FBLN2: variants seen among roughly 807,000 people sequenced by gnomAD.
The protein encoded by FBLN2 is fibulin-2.
In FBLN2, 81 loss-of-function variants were observed where a neutral mutation model predicts 123.7. That is an observed-to-expected ratio of 0.65 (90% CI 0.55 to 0.79). FBLN2 has a LOEUF of 0.79. FBLN2 is among the 30% of genes least tolerant of loss of function. The probability of loss-of-function intolerance (pLI) is 0.00; values close to 1 mark genes in which losing one functional copy is unlikely to be tolerated. For synonymous variants in FBLN2, 699 were observed against 701.4 expected, an observed-to-expected ratio of 1.00 and a Z score of 0.05; for missense variants, 1,603 against 1,681.3, an observed-to-expected ratio of 0.95 and a Z score of 0.81.
At chr3:13,628,370 A>C (rs1377578528) in intron 11 of FBLN2, among the ~76,000 whole-genome samples, 1 of 152,118 alleles carries the variant, frequency 6.6e-6, no homozygotes, top group South Asian at 2.1e-4. Context: ...ACAGTACTGC[A>C]TGTGACACCC....
Position 13,571,127 on chromosome 3 carries a change from G to A in FBLN2, c.772G>A (p.Ala258Thr), listed in dbSNP as rs768744889. The A allele has an allele frequency of 6.4e-7, 1 of 1,552,784 alleles. No homozygotes were observed. Among genetic ancestry groups the A allele is most frequent in the South Asian group, 1.2e-5 (1 of 84,220 alleles). ...PAVLPRPTAAAALGPPAPVQA... is the reference protein window; with the variant it reads ...PAVLPRPTAATALGPPAPVQA... Reference sequence around the variant, plus strand: ...TGTCCTCCCCAGGCCCACAGCGGCTGCTGCCCTGGGTCCCCCAGCCCCAGT... The same window carrying A: ...TGTCCTCCCCAGGCCCACAGCGGCTACTGCCCTGGGTCCCCCAGCCCCAGT... Residue 258 changes from alanine to threonine, a missense_variant, in exon 2 of 18, where the codon GCT (alanine) becomes ACT (threonine). Coordinates refer to ENST00000404922, the MANE Select transcript of FBLN2 (RefSeq NM_001004019.2).
Position 13,619,877 on chromosome 3 carries a change from C to T in FBLN2, c.2155+46C>T, listed in dbSNP as rs376907890. On this transcript the variant is annotated intron_variant, in intron 8 of 17. Transcript: ENST00000404922. ...TCCTACCTGTGCAAACCTGAGTTGG[C>T]CTGTGATGGGGGCCTCCAGGTGGGG... is the stretch of plus-strand genomic sequence containing the variant. The T allele has an allele frequency of 7.5e-5, 112 of 1,502,568 alleles. 1 individual carries two copies. Among genetic ancestry groups the T allele is most frequent in the Middle Eastern group, 3.4e-4 (2 of 5,836 alleles). The allele number at this position is 1,502,568 out of a possible 1,614,324, so 93.1% of individuals were successfully genotyped here. A position where few individuals can be genotyped will look rare whatever the true frequency, so the allele number is the denominator to read the frequency against.
rs1361487043 is a variant in FBLN2, at chr3:13,626,515, C to T, written c.2367C>T (p.Ser789=). Residue 789 remains serine (S), a synonymous_variant, in exon 10 of 18, where the codon TCC becomes TCT. Transcript: ENST00000404922. ...RGEHCVNTLG[S]FHCYKALTCE... is the part of the protein sequence containing the mutation. ...AGCACTGTGTGAACACACTGGGCTC[C>T]TTCCACTGCTACAAGGCACTCACCT... is the stretch of plus-strand genomic sequence containing the variant. The T allele has an allele frequency of 6.4e-7, 1 of 1,563,926 alleles. No individual in the cohort carries two copies. The highest frequency in any genetic ancestry group is 2.4e-5 in the East Asian group (1 of 41,842).
Position 13,609,645 on chromosome 3 carries a change from A to G in FBLN2, c.1548+3A>G. 1 of 1,241,176 alleles carries G rather than the reference A, an allele frequency of 8.1e-7. No homozygotes were observed. Among genetic ancestry groups the G allele is most frequent in the Admixed American group, 2.3e-5 (1 of 43,732 alleles). The allele number at this position is 1,241,176 out of a possible 1,614,324, so 76.9% of individuals were successfully genotyped here. A position where few individuals can be genotyped will look rare whatever the true frequency, so the allele number is the denominator to read the frequency against. On this transcript the variant is annotated splice_donor_region_variant and intron_variant, in intron 4 of 17. Coordinates refer to ENST00000404922, the MANE Select transcript of FBLN2 (RefSeq NM_001004019.2). The stretch of plus-strand genomic sequence containing the variant: ...GCTGCGGCATCTCCCTGTACAAGGC[A>G]AGCCTGACCTGTGGCCTTCAAGGCA...
chr3:13,557,148 C>T (rs1214020705), intron 1 of FBLN2, among the ~76,000 whole-genome samples: 1 of 152,240 alleles, frequency 6.6e-6, no homozygotes, highest in Admixed American at 6.5e-5. Context: ...CTGCCCTGGG[C>T]CAGTCAGCTG....
At chr3:13,630,411 G>T (rs1706216759) in intron 14 of FBLN2, among the ~76,000 whole-genome samples, 1 of 152,248 alleles carries the variant, frequency 6.6e-6, no homozygotes, top group African/African-American at 2.4e-5. Flanking sequence ...GGCCAAGCCA[G>T]AAGGCCATGG....
intron 16 of FBLN2, among the ~76,000 whole-genome samples, chr3:13,636,142 A>G (rs9880802): frequency 0.98 from 149,129 of 152,286 alleles, 73,015 homozygotes; most frequent in East Asian, 1. Context: ...GAAGAGAAGG[A>G]GCTTAGAGAG....
chr3:13,600,949 A>G (rs571626758), intron 2 of FBLN2, among the ~76,000 whole-genome samples: 2 of 152,250 alleles, frequency 1.3e-5, no homozygotes, highest in African/African-American at 4.8e-5. Flanking sequence ...GTACATGTGA[A>G]ATTGTGACGT....
At chr3:13,598,397 A>G (rs563154874) in intron 2 of FBLN2, among the ~76,000 whole-genome samples, 17 of 152,310 alleles carry the variant, frequency 1.1e-4, no homozygotes, top group Admixed American at 7.2e-4. Flanking sequence ...TGGTAGCCCA[A>G]CCACACACCT....
chr3:13,575,390 CT>C (rs954966913), intron 2 of FBLN2, among the ~76,000 whole-genome samples: 2 of 152,098 alleles, frequency 1.3e-5, no homozygotes, highest in Admixed American at 6.5e-5. Flanking sequence ...TCCTCTACCC[CT>C]GGGTCCTTAA....
At chr3:13,558,399 G>T (rs1456783428) in intron 1 of FBLN2, among the ~76,000 whole-genome samples, 1 of 152,000 alleles carries the variant, frequency 6.6e-6, no homozygotes, top group African/African-American at 2.4e-5. Context: ...CCAAGTCTAG[G>T]ATCTCAGCCC....
chr3:13,609,444 CCTCA>C (rs1559417511), intron 3 of FBLN2, 65 bp from the exon 4 acceptor site: 1 of 1,473,372 alleles, frequency 6.8e-7, no homozygotes, highest in Non-Finnish European at 9.0e-7. Flanking sequence ...CTCCTCTGAG[CCTCA>C]CTCACTTTCC....
In FBLN2 at chr3:13,608,109, T is replaced by G. The variant is rs1164190169; in HGVS notation, c.1354T>G (p.Trp452Gly). The G allele has an allele frequency of 6.3e-7, 1 of 1,598,214 alleles. No homozygotes were observed. The highest frequency in any genetic ancestry group is 8.5e-7 in the Non-Finnish European group (1 of 1,172,570). ...IETCCAAGQQWAIDNDECLEI... is the reference protein window; with the variant it reads ...IETCCAAGQQGAIDNDECLEI... ...GACTTGCTGCGCAGCCGGACAGCAG[T>G]GGGCCATTGACAATGACGAGTGCCT... Residue 452 changes from tryptophan to glycine, a missense_variant, in exon 3 of 18, where the codon TGG (tryptophan) becomes GGG (glycine). Coordinates refer to ENST00000404922, the MANE Select transcript of FBLN2 (RefSeq NM_001004019.2).
intron 2 of FBLN2, among the ~76,000 whole-genome samples, chr3:13,593,444 A>G (rs1704738778): frequency 6.6e-6 from 1 of 152,112 alleles, no homozygotes; most frequent in South Asian, 2.1e-4. Flanking sequence ...GGCTGGGCGC[A>G]GTGGCTCATA....
In FBLN2 at chr3:13,628,978, C is replaced by T. The variant is rs1395649410; in HGVS notation, c.2643C>T (p.Tyr881=). 1 of 1,613,632 alleles carries T rather than the reference C, an allele frequency of 6.2e-7. No homozygotes were observed. The highest frequency in any genetic ancestry group is 1.3e-5 in the African/African-American group (1 of 75,054). The change falls in exon 12 of 18, where the codon TAC becomes TAT. Residue 881 remains tyrosine (Y), a synonymous_variant. Coordinates refer to ENST00000404922, the MANE Select transcript of FBLN2 (RefSeq NM_001004019.2). ...GCTGCATCAACACGGTGGGCTCCTA[C>T]ACATGCCAGAGGAACCCGCTGATCT... ...GFSCINTVGS[Y]TCQRNPLICA...
chr3:13,619,897 G>A (rs866430288), intron 8 of FBLN2, 66 bp downstream of exon 8: 4 of 1,319,724 alleles, frequency 3.0e-6, no homozygotes, highest in African/African-American at 1.5e-5. Context: ...GGGCCTCCAG[G>A]TGGGGGTGGC....
Position 13,637,893 on chromosome 3 carries a change from ATCT to A in FBLN2, c.3676_3678del (p.Phe1226del), listed in dbSNP as rs756944631. ...CACCACCTTCCTGGCCAAGATGCAC[ATCT>A]TCTTCACCACCTTTGCCCTGTGAGG... is the stretch of plus-strand genomic sequence containing the variant. On this transcript the variant is annotated inframe_deletion, in exon 18 of 18. Transcript: ENST00000404922. 2 of 1,598,366 alleles carry A rather than the reference ATCT, an allele frequency of 1.3e-6. No individual in the cohort carries two copies. Among genetic ancestry groups the A allele is most frequent in the Non-Finnish European group, 8.5e-7 (1 of 1,169,600 alleles).
rs148817435 is a variant in FBLN2, at chr3:13,568,452, C to A, written c.-41-1863C>A. ...GGCTCCCGTGTCTCAGCGCAGTGGG[C>A]AGCTGGGTGGGTCCCTTGCACTGGA... On this transcript the variant is annotated intron_variant, in intron 1 of 17. Coordinates refer to ENST00000404922, the MANE Select transcript of FBLN2 (RefSeq NM_001004019.2). 7.9e-5 allele frequency among the ~76,000 whole-genome samples: 12 copies of A among 152,360 alleles called. 1 individual carries two copies. The East Asian group carries it at 2.3e-3, about 29-fold the overall frequency.
chr3:13,602,555 G>A (rs998664127), intron 2 of FBLN2, among the ~76,000 whole-genome samples: 1 of 152,198 alleles, frequency 6.6e-6, no homozygotes, highest in Non-Finnish European at 1.5e-5. Flanking sequence ...TACATGGTAT[G>A]TATTTTGAAT....
Sources: allele counts gnomAD v4.1 joint callset (sites outside exome capture counted in the v4.1 genomes callset), GRCh38; gene constraint gnomAD v4.1.1; transcripts MANE v1.5; gene names NCBI Gene and HGNC (gene_info 2026-07-23, HGNC 2026-07-21).